The following MUC12 variants were observed in gnomAD, a reference collection of about 807,000 sequenced individuals.
MUC12 encodes mucin-12.
MUC12 carries 172 observed loss-of-function variants against 230.8 expected under a neutral mutation model. The observed-to-expected ratio is 0.75, with a 90% CI of 0.66 to 0.85. MUC12 has a LOEUF of 0.85. MUC12 is among the 40% of genes least tolerant of loss of function. The pLI, the probability that MUC12 is intolerant of heterozygous loss-of-function variation, is 0.00. For synonymous variants in MUC12, 1,259 were observed against 2,401.9 expected (o/e 0.52, Z 13.91); for missense variants, 3,506 against 5,920.6 (o/e 0.59, Z 13.38).
chr7:101,017,483 C>T (rs936680741), intron 10 of MUC12, 92 bp from the exon 11 acceptor site: 2 of 794,290 alleles, frequency 2.5e-6, no homozygotes, highest in South Asian at 1.7e-5. Flanking sequence ...AGATGCCGGG[C>T]TGACTCTTCC....
intron 9 of MUC12, 158 bp downstream of exon 9, chr7:101,014,232 C>T (rs928416621): frequency 1.6e-5 from 12 of 762,852 alleles, no homozygotes; most frequent in Non-Finnish European, 2.2e-5. Context: ...GCCCTGGGTG[C>T]AGCAAAGGGC....
chr7:101,003,467 C>T lies in MUC12; in HGVS notation c.12904C>T (p.Pro4302Ser), dbSNP rs767277576. 49 of 1,095,294 alleles carry T rather than the reference C, an allele frequency of 4.5e-5. 5 individuals carry two copies. Among genetic ancestry groups the T allele is most frequent in the Non-Finnish European group, 5.9e-5 (46 of 775,202 alleles). 67.8% of individuals were successfully genotyped at this position (1,095,294 alleles called of 1,614,324 possible). A position where few individuals can be genotyped will look rare whatever the true frequency, so the allele number is the denominator to read the frequency against. ...TASGLLEAST[P>S]VHSSTGSPHT... ...CTCAGGCCTCCTTGAAGCATCTACA[C>T]CCGTCCACAGCAGCACTGGATCGCC... Residue 4302 changes from proline to serine, a missense_variant, in exon 2 of 12, where the codon CCC (proline) becomes TCC (serine). Transcript: ENST00000536621.
At position 100,991,917 on chromosome 7, in the gene MUC12, T is replaced by A; in HGVS notation, c.1354T>A (p.Leu452Ile). Residue 452 changes from leucine to isoleucine, a missense_variant, in exon 2 of 12, where the codon TTA becomes ATA. Coordinates refer to ENST00000536621, the MANE Select transcript of MUC12 (RefSeq NM_001164462.2). Reference protein sequence around the residue: ...SSPDAMATTVLPAGSTPSVLV... With the variant: ...SSPDAMATTVIPAGSTPSVLV... ...CCCAGATGCAATGGCAACAACAGTC[T>A]TACCTGCCGGCTCTACACCCTCAGT... The A allele has an allele frequency of 1.3e-6, 2 of 1,536,844 alleles. No individual in the cohort carries two copies. The highest frequency in any genetic ancestry group is 1.2e-5 in the South Asian group (1 of 84,008).
Position 100,990,434 on chromosome 7 carries a change from T to G in MUC12, c.68-197T>G. The G allele has an allele frequency of 6.0e-6, 4 of 664,694 alleles. No homozygotes were observed. In the South Asian group the frequency reaches 7.9e-5, roughly 13 times the overall value. The allele number at this position is 664,694 out of a possible 1,614,324, so 41.2% of individuals were successfully genotyped here. On this transcript the variant is annotated intron_variant, in intron 1 of 11. Transcript: ENST00000536621. ...TGCCAAAAAGGTTGGGGACTGCTAGTCTACACCATCAATAAAATTTCTTCA... is the reference window on the plus strand; with the variant it reads ...TGCCAAAAAGGTTGGGGACTGCTAGGCTACACCATCAATAAAATTTCTTCA...
chr7:100,969,723 T>C, intron 1 of MUC12, 34 bp downstream of exon 1: 2 of 1,537,344 alleles, frequency 1.3e-6, no homozygotes, highest in Admixed American at 2.0e-5. Flanking sequence ...CCAGGTCCAG[T>C]GCTCCTGGGT....
chr7:100,973,956 C>A (rs1387218640), intron 1 of MUC12, among the ~76,000 whole-genome samples: 20 of 151,804 alleles, frequency 1.3e-4, no homozygotes, highest in Admixed American at 1.3e-3. Flanking sequence ...AGTTCGAGAC[C>A]AGCTCGGGCA....
intron 9 of MUC12, chr7:101,014,401 G>T: frequency 4.6e-6 from 1 of 217,772 alleles, no homozygotes; most frequent in South Asian, 9.7e-5. Flanking sequence ...CATCTGGTGA[G>T]GACTTTCTTG....
chr7:101,008,824 TGCAC>T (rs1203329165), intron 4 of MUC12, 63 bp downstream of exon 4: 4 of 1,491,372 alleles, frequency 2.7e-6, no homozygotes, highest in Admixed American at 2.2e-5. Flanking sequence ...AATTGGGGGG[TGCAC>T]CCCAACTTAG....
At chr7:100,973,075 C>T (rs1792942639) in intron 1 of MUC12, 1 of 591,706 alleles carries the variant, frequency 1.7e-6, no homozygotes, top group Non-Finnish European at 3.0e-6. Context: ...AGCAGTAAGA[C>T]CAAGCTAAGA....
chr7:100,992,392 G>A lies in MUC12; in HGVS notation c.1829G>A (p.Ser610Asn), dbSNP rs1468158465. The A allele has an allele frequency of 6.6e-5, 101 of 1,537,038 alleles. No individual in the cohort carries two copies. In the East Asian group the frequency reaches 2.4e-3, roughly 37 times the overall value. ...GLLEASMPVH[S>N]STRSPHTTLS... ...CTTGAAGCATCTATGCCCGTCCACAGCAGCACCAGATCGCCACACACAACA... is the reference window on the plus strand; with the variant it reads ...CTTGAAGCATCTATGCCCGTCCACAACAGCACCAGATCGCCACACACAACA... The change falls in exon 2 of 12, where the codon AGC (serine) becomes AAC (asparagine). Residue 610 changes from serine to asparagine, a missense_variant. Physicochemically the swap from Ser to Asn is conservative, Grantham distance 46. Coordinates refer to ENST00000536621, the MANE Select transcript of MUC12 (RefSeq NM_001164462.2).
intron 1 of MUC12, among the ~76,000 whole-genome samples, chr7:100,985,148 C>T (rs1029363653): frequency 1.3e-5 from 2 of 152,216 alleles, no homozygotes; most frequent in Non-Finnish European, 2.9e-5. Context: ...GCATGAGCCA[C>T]TGCACCTGGC....
chr7:100,993,630 C>G lies in MUC12; in HGVS notation c.3067C>G (p.Arg1023Gly). The stretch of plus-strand genomic sequence containing the variant: ...TGTTGAAGAATCTACAACCTACCAC[C>G]GCAGCCCAGGCTCGACTCCAACAAC... ...APVEESTTYHRSPGSTPTTHF... is the reference protein window; with the variant it reads ...APVEESTTYHGSPGSTPTTHF... The change falls in exon 2 of 12, where the codon CGC becomes GGC. Residue 1023 changes from arginine (R) to glycine (G), a missense_variant. By Grantham distance (125) the Arg-to-Gly change is moderately radical. Transcript: ENST00000536621. 1.9e-6 allele frequency: 2 copies of G among 1,035,532 alleles called. No individual in the cohort carries two copies. The highest frequency in any genetic ancestry group is 2.6e-6 in the Non-Finnish European group (2 of 757,734). The allele number at this position is 1,035,532 out of a possible 1,614,324, so 64.1% of individuals were successfully genotyped here.
At chr7:100,988,793 C>T (rs1793233663) in intron 1 of MUC12, among the ~76,000 whole-genome samples, 1 of 152,110 alleles carries the variant, frequency 6.6e-6, no homozygotes, top group African/African-American at 2.4e-5. Flanking sequence ...GTAGCTCCCA[C>T]AATTCCCATG....
rs1793701840 is a variant in MUC12 at position 101,004,660 on chromosome 7, T to C, written c.14097T>C (p.Pro4699=). The C allele has an allele frequency of 6.5e-7, 1 of 1,537,336 alleles. No individual in the cohort carries two copies. Among genetic ancestry groups the C allele is most frequent in the Admixed American group, 2.0e-5 (1 of 50,990 alleles). Residue 4699 remains proline (P), a synonymous_variant, in exon 2 of 12, where the codon CCT becomes CCC. Transcript: ENST00000536621. ...ATACAAATGGAATCACACCCTTACC[T>C]GCCCATTTTACTACCTCAGGCCGCA... is the stretch of plus-strand genomic sequence containing the variant. ...SPDTNGITPL[P]AHFTTSGRIA...
Position 100,995,715 on chromosome 7 carries a change from G to C in MUC12, c.5152G>C (p.Gly1718Arg), listed in dbSNP as rs545596210. 3.9e-5 allele frequency: 60 copies of C among 1,536,190 alleles called. No homozygotes were observed. Among genetic ancestry groups the C allele is most frequent in the Middle Eastern group, 1.7e-4 (1 of 6,008 alleles). ...TGTTGAGCTATCTACAACCTCCCAC[G>C]GCAGCCCGAGCTCAACTCCAACAAC... Reference protein sequence around the residue: ...AFVELSTTSHGSPSSTPTTHF... With the variant: ...AFVELSTTSHRSPSSTPTTHF... Residue 1718 changes from glycine (G) to arginine (R), a missense_variant, in exon 2 of 12, where the codon GGC becomes CGC. Gly to Arg is a moderately radical substitution (Grantham distance 125, BLOSUM62 -2). Coordinates refer to ENST00000536621, the MANE Select transcript of MUC12 (RefSeq NM_001164462.2).
chr7:101,013,951 C>T lies in MUC12; in HGVS notation c.15677C>T (p.Thr5226Ile). 1 of 1,536,310 alleles carries T rather than the reference C, an allele frequency of 6.5e-7. No individual in the cohort carries two copies. The part of the protein sequence containing the change: ...NTNTHWYWGE[T>I]CEFNIAKSLV... ...AACACACACTGGTACTGGGGAGAGA[C>T]CTGTGAATTCAACATCGCCAAGAGC... The change falls in exon 9 of 12, where the codon ACC becomes ATC. Residue 5226 changes from threonine to isoleucine, a missense_variant. Physicochemically the swap from Thr to Ile is moderately conservative, Grantham distance 89. Coordinates refer to ENST00000536621, the MANE Select transcript of MUC12 (RefSeq NM_001164462.2).
At chr7:100,971,346 G>A (rs1792889271) in intron 1 of MUC12, among the ~76,000 whole-genome samples, 1 of 152,292 alleles carries the variant, frequency 6.6e-6, no homozygotes, top group African/African-American at 2.4e-5. Flanking sequence ...GGACAGGGAT[G>A]AGGAGAGGCG....
rs770426554 is a variant in MUC12, at chr7:100,991,992, A to G, written c.1429A>G (p.Thr477Ala). The G allele has an allele frequency of 7.8e-6, 12 of 1,537,848 alleles. No homozygotes were observed. The highest frequency in any genetic ancestry group is 1.0e-5 in the Non-Finnish European group (12 of 1,147,074). ...PSPISSGSME[T>A]TALPGSTTKP... ...ACCCATCAGTTCAGGCTCAATGGAA[A>G]CCACAGCGTTACCCGGCAGTACCAC... Residue 477 changes from threonine to alanine, a missense_variant, in exon 2 of 12, where the codon ACC becomes GCC. Transcript: ENST00000536621.
Position 100,992,277 on chromosome 7 carries a change from T to C in MUC12, c.1714T>C (p.Ser572Pro). ...GTCCCCTGGCAGTACCACAGCATCA[T>C]CCCTTGGTCCAGAATATACTACCTT... ...TLSPGSTTAS[S>P]LGPEYTTFHS... is the part of the protein sequence containing the mutation. Residue 572 changes from serine to proline, a missense_variant, in exon 2 of 12, where the codon TCC (serine) becomes CCC (proline). Physicochemically the swap from Ser to Pro is moderately conservative, Grantham distance 74 (BLOSUM62 -1). Transcript: ENST00000536621. The C allele has an allele frequency of 6.5e-7, 1 of 1,536,670 alleles. No individual in the cohort carries two copies. The highest frequency in any genetic ancestry group is 8.7e-7 in the Non-Finnish European group (1 of 1,146,194).
Sources: gnomAD v4.1 joint callset for allele counts (sites outside exome capture counted in the v4.1 genomes callset) on GRCh38, gnomAD v4.1.1 for gene constraint, MANE v1.5 for transcripts, NCBI Gene and HGNC (gene_info 2026-07-23, HGNC 2026-07-21) for gene names.